Variants in PRICKLE2 observed in about 807,000 individuals in gnomAD.
The protein encoded by PRICKLE2 is prickle-like protein 2.
PRICKLE2 carries 21 observed loss-of-function variants against 81.4 expected under a neutral mutation model. The ratio of observed to expected loss-of-function variants is 0.26; its 90% CI spans 0.18 to 0.37. The LOEUF (loss-of-function observed/expected upper bound fraction) is 0.37, where lower values mean the gene tolerates loss of function less well. PRICKLE2 is among the 10% of genes least tolerant of loss of function. PRICKLE2 has a pLI of 1.00. For missense variants in PRICKLE2, 940 were observed against 1,109.0 expected, an observed-to-expected ratio of 0.85 and a Z score of 2.16; for synonymous variants, 456 against 421.5, an observed-to-expected ratio of 1.08 and a Z score of -1.00.
At chr3:64,207,174 A>G (rs2078702066) in intron 1 of PRICKLE2, among the ~76,000 whole-genome samples, 1 of 152,226 alleles carries the variant, frequency 6.6e-6, no homozygotes. Flanking sequence ...TGCTGGGATT[A>G]CAGGCATGAG....
intron 6 of PRICKLE2, among the ~76,000 whole-genome samples, chr3:64,151,623 C>T (rs1272119148): frequency 1.3e-5 from 2 of 152,064 alleles, no homozygotes; most frequent in Non-Finnish European, 2.9e-5. Flanking sequence ...CACACATGGC[C>T]CCTCTCATCT....
intron 2 of PRICKLE2, among the ~76,000 whole-genome samples, chr3:64,195,702 A>T (rs954744549): frequency 1.3e-5 from 2 of 152,250 alleles, no homozygotes; most frequent in East Asian, 3.8e-4. Context: ...ATTCATAAAC[A>T]GTGCTATACG....
chr3:64,117,220 C>T (rs1405652984), intron 7 of PRICKLE2, among the ~76,000 whole-genome samples: 2 of 152,050 alleles, frequency 1.3e-5, no homozygotes, highest in Admixed American at 1.3e-4. Context: ...AAGAGCCATC[C>T]ATGACAAACC....
intron 2 of PRICKLE2, among the ~76,000 whole-genome samples, chr3:64,232,183 C>T (rs1272736913): frequency 6.6e-6 from 1 of 152,130 alleles, no homozygotes; most frequent in Non-Finnish European, 1.5e-5. Flanking sequence ...ATGATCCATC[C>T]TTGGTCAATG....
At chr3:64,104,155 C>T (rs1000497225) in intron 7 of PRICKLE2, among the ~76,000 whole-genome samples, 1 of 152,172 alleles carries the variant, frequency 6.6e-6, no homozygotes. Flanking sequence ...CTGGGGCCTC[C>T]AATCGCTTGC....
chr3:64,232,814 A>G (rs577818598), intron 2 of PRICKLE2, among the ~76,000 whole-genome samples: 5 of 152,230 alleles, frequency 3.3e-5, no homozygotes, highest in African/African-American at 7.2e-5. Context: ...AGTCTTTGCT[A>G]TCTCAGTTAA....
chr3:64,106,030 G>A (rs1464564359), intron 7 of PRICKLE2: 2 of 152,218 alleles, frequency 1.3e-5, no homozygotes, highest in Non-Finnish European at 2.9e-5. Flanking sequence ...AGCTCCAAGA[G>A]GGCAGAAACT....
chr3:64,133,823 G>A (rs1020144897), intron 7 of PRICKLE2, among the ~76,000 whole-genome samples: 3 of 152,210 alleles, frequency 2.0e-5, no homozygotes, highest in Non-Finnish European at 4.4e-5. Flanking sequence ...GTGCTCCCCA[G>A]TTACGGGGGT....
intron 2 of PRICKLE2, among the ~76,000 whole-genome samples, chr3:64,180,382 T>C (rs185474553): frequency 3.3e-5 from 5 of 152,268 alleles, no homozygotes; most frequent in African/African-American, 1.2e-4. Context: ...ATTCACATAG[T>C]TGTGCAACTG....
intron 2 of PRICKLE2, among the ~76,000 whole-genome samples, chr3:64,170,337 A>T (rs1197363210): frequency 6.6e-6 from 1 of 152,174 alleles, no homozygotes; most frequent in African/African-American, 2.4e-5. Context: ...TTGATGTCTA[A>T]TTCAACAGTG....
At chr3:64,141,384 T>C (rs1271085646) in intron 7 of PRICKLE2, among the ~76,000 whole-genome samples, 1 of 152,234 alleles carries the variant, frequency 6.6e-6, no homozygotes, top group Non-Finnish European at 1.5e-5. Flanking sequence ...CATAGGGTTG[T>C]TGTGAGGACT....
At chr3:64,179,011 C>CT (rs745714563) in intron 2 of PRICKLE2, among the ~76,000 whole-genome samples, 2 of 145,114 alleles carry the variant, frequency 1.4e-5, no homozygotes, top group Non-Finnish European at 3.0e-5. Context: ...TTCTTTCTTT[C>CT]TTTCTTTCTT....
At chr3:64,197,982 C>G (rs748963850) in intron 2 of PRICKLE2, among the ~76,000 whole-genome samples, 1 of 151,998 alleles carries the variant, frequency 6.6e-6, no homozygotes, top group Non-Finnish European at 1.5e-5. Context: ...GAGGCCAACA[C>G]GGACGGATCA....
intron 7 of PRICKLE2, among the ~76,000 whole-genome samples, chr3:64,120,395 T>C (rs1339682907): frequency 1.3e-5 from 2 of 152,142 alleles, no homozygotes; most frequent in Non-Finnish European, 2.9e-5. Flanking sequence ...AGACAGCAGA[T>C]GGACCTTCGT....
At chr3:64,133,389 C>T (rs2077226977) in intron 7 of PRICKLE2, among the ~76,000 whole-genome samples, 2 of 152,152 alleles carry the variant, frequency 1.3e-5, no homozygotes, top group Non-Finnish European at 2.9e-5. Context: ...AACAGATCTG[C>T]AGCCAAGGGC....
chr3:64,113,791 G>A (rs985038001), intron 7 of PRICKLE2, among the ~76,000 whole-genome samples: 1 of 151,930 alleles, frequency 6.6e-6, no homozygotes, highest in Non-Finnish European at 1.5e-5. Context: ...GATCACTCCT[G>A]CTTGCAGGGC....
upstream of PRICKLE2, among the ~76,000 whole-genome samples, chr3:64,226,855 G>A (rs1385370213): frequency 1.3e-5 from 2 of 152,200 alleles, no homozygotes; most frequent in Non-Finnish European, 2.9e-5. Context: ...AGCACTGTGA[G>A]TGAAAGTAAA....
intron 7 of PRICKLE2, chr3:64,104,697 G>C (rs999581712): frequency 6.6e-6 from 1 of 152,214 alleles, no homozygotes; most frequent in Non-Finnish European, 1.5e-5. Context: ...GGGTCCTGTT[G>C]CACAAGCCCA....
chr3:64,141,226 C>T (rs1318391880), intron 7 of PRICKLE2, among the ~76,000 whole-genome samples: 1 of 152,218 alleles, frequency 6.6e-6, no homozygotes, highest in Non-Finnish European at 1.5e-5. Context: ...AGCCATAGCA[C>T]AGTGTTTAAG....
Sources: gnomAD v4.1 joint callset for allele counts (sites outside exome capture counted in the v4.1 genomes callset) on GRCh38, gnomAD v4.1.1 for gene constraint, MANE v1.5 for transcripts, NCBI Gene and HGNC (gene_info 2026-07-23, HGNC 2026-07-21) for gene names.